The following ITGA3 variants were observed in gnomAD, a reference collection of about 807,000 sequenced individuals.
The protein encoded by ITGA3 is integrin subunit alpha 3, also known as integrin alpha-3.
A neutral mutation model predicts 131.1 loss-of-function variants in ITGA3; 70 were observed. The ratio of observed to expected loss-of-function variants is 0.53; its 90% CI spans 0.44 to 0.65. The LOEUF (loss-of-function observed/expected upper bound fraction) is 0.65. Ranked by LOEUF, ITGA3 falls within the 30% of genes least tolerant of loss-of-function variation. The pLI, the probability that ITGA3 is intolerant of heterozygous loss-of-function variation, is 0.00. For missense variants in ITGA3, 1,098 were observed against 1,388.6 expected, an observed-to-expected ratio of 0.79 and a Z score of 3.33; for synonymous variants, 537 against 571.6, an observed-to-expected ratio of 0.94 and a Z score of 0.86.
In ITGA3 at chr17:50,089,176, G is replaced by C. The variant is rs745776474; in HGVS notation, c.*98G>C. ...CAAGTACCACGCAGTGCGGATCCGG[G>C]AGGAGGAGCGCTACCCACCTCCAGG... On this transcript the variant is annotated 3_prime_UTR_variant, in exon 26 of 26. Transcript: ENST00000320031. The C allele has an allele frequency of 1.2e-6, 2 of 1,613,316 alleles. No homozygotes were observed. The highest frequency in any genetic ancestry group is 1.7e-6 in the Non-Finnish European group (2 of 1,179,520).
chr17:50,060,094 TCCAGGCATCCCAGAGCTGCC>T (rs1337948525), intron 1 of ITGA3, among the ~76,000 whole-genome samples: 1 of 152,088 alleles, frequency 6.6e-6, no homozygotes, highest in African/African-American at 2.4e-5. Flanking sequence ...AGAGCTGGGA[TCCAGGCATCCCAGAGCTGCC>T]CCCACCCCTT....
chr17:50,073,873 C>A, intron 7 of ITGA3, 43 bp from the exon 8 acceptor site: 3 of 1,439,698 alleles, frequency 2.1e-6, no homozygotes, highest in Non-Finnish European at 2.9e-6. Context: ...AGACGTGGGG[C>A]CCAGAGTACC....
intron 6 of ITGA3, 26 bp downstream of exon 6, chr17:50,071,544 G>T: frequency 6.3e-7 from 1 of 1,580,240 alleles, no homozygotes; most frequent in Admixed American, 1.7e-5. Flanking sequence ...CATCCTCTGG[G>T]GCCAGGGAGA....
rs1303879054 is a variant in ITGA3, at chr17:50,056,954, A to C, written c.206+309A>C. ...CCATTCTGTGAACCGAGTACCCAGC[A>C]CTAGCCTGTTCTCTCCAGGGCTGGG... On this transcript the variant is annotated intron_variant, in intron 1 of 25. Coordinates refer to ENST00000320031, the MANE Select transcript of ITGA3 (RefSeq NM_002204.4). This position sits in a 1 kb window ranked among gnomAD's most constrained non-coding sequence, Gnocchi z 5.6. Among the ~76,000 whole-genome samples the C allele has an allele frequency of 1.3e-5, 2 of 152,290 alleles. No individual in the cohort carries two copies. The highest frequency in any genetic ancestry group is 2.1e-4 in the South Asian group (1 of 4,826).
At position 50,064,262 on chromosome 17, in the gene ITGA3, C is replaced by T; in HGVS notation, c.334+58C>T. 1 of 1,555,838 alleles carries T rather than the reference C, an allele frequency of 6.4e-7. No individual in the cohort carries two copies. The highest frequency in any genetic ancestry group is 8.7e-7 in the Non-Finnish European group (1 of 1,151,670). On this transcript the variant is annotated intron_variant, in intron 2 of 25. Coordinates refer to ENST00000320031, the MANE Select transcript of ITGA3 (RefSeq NM_002204.4). The surrounding 1 kb of genome is among the most constrained non-coding windows in gnomAD (Gnocchi z 4.4). ...TCAGAGGTCTGGCAGGGGGGTACCG[C>T]AGAGAGAATGGCCTGGAGGAGATAG...
chr17:50,070,320 G>A (rs1207295335), intron 4 of ITGA3, among the ~76,000 whole-genome samples: 2 of 152,178 alleles, frequency 1.3e-5, no homozygotes, highest in Non-Finnish European at 2.9e-5. Context: ...TCACTTATCT[G>A]CAAAATGGGG....
Position 50,056,524 on chromosome 17 carries a change from G to A in ITGA3, c.85G>A (p.Val29Ile), listed in dbSNP as rs1226485571. The change falls in exon 1 of 26, where the codon GTC becomes ATC. Residue 29 changes from valine (V) to isoleucine (I), a missense_variant. Around this residue, in one of 3 missense-constraint regions of ITGA3, gnomAD observed 356 missense variants for 529.2 expected, o/e 0.67. Coordinates refer to ENST00000320031, the MANE Select transcript of ITGA3 (RefSeq NM_002204.4). The surrounding 1 kb of genome is among the most constrained non-coding windows in gnomAD (Gnocchi z 5.6). ...LALMVAAGGC[V>I]VSAFNLDTRF... ...CTTGATGGTGGCGGCCGGCGGCTGCGTCGTCTCCGCCTTCAACCTGGATAC... is the reference window on the plus strand; with the variant it reads ...CTTGATGGTGGCGGCCGGCGGCTGCATCGTCTCCGCCTTCAACCTGGATAC... The A allele has an allele frequency of 2.8e-5, 44 of 1,552,272 alleles. No homozygotes were observed. The highest frequency in any genetic ancestry group is 3.7e-5 in the Non-Finnish European group (42 of 1,148,512).
At chr17:50,074,365 A>AGC (rs2144288912) in intron 9 of ITGA3, 83 bp from the exon 10 acceptor site, 2 of 1,598,598 alleles carry the variant, frequency 1.3e-6, no homozygotes, top group East Asian at 4.5e-5. Context: ...TGTTTGCGCT[A>AGC]GCTCCTTGGA....
At chr17:50,070,820 C>T in intron 4 of ITGA3, 24 bp from the exon 5 acceptor site, 2 of 1,528,838 alleles carry the variant, frequency 1.3e-6, no homozygotes, top group East Asian at 2.2e-5. Flanking sequence ...ACTCCCTACT[C>T]TCCCTCCCTC....
rs1303987513 is a variant in ITGA3 at position 50,068,283 on chromosome 17, C to G, written c.642C>G (p.Ala214=). 6.2e-7 allele frequency: 1 copy of G among 1,613,514 alleles called. No individual in the cohort carries two copies. The highest frequency in any genetic ancestry group is 8.5e-7 in the Non-Finnish European group (1 of 1,180,006). The part of the protein sequence containing the change: ...GFTQNTVYFG[A]PGAYNWKGNS... Reference sequence around the variant, plus strand: ...CCCAGAACACTGTGTACTTCGGCGCCCCCGGTGCCTACAACTGGAAAGGTG... The same window carrying G: ...CCCAGAACACTGTGTACTTCGGCGCGCCCGGTGCCTACAACTGGAAAGGTG... The change falls in exon 4 of 26, where the codon GCC becomes GCG. Residue 214 remains alanine (A), a synonymous_variant. Transcript: ENST00000320031.
rs551740921 is a variant in ITGA3, at chr17:50,063,852, C to T, written c.207-225C>T. The T allele has an allele frequency of 4.0e-5, 23 of 577,800 alleles. No homozygotes were observed. The African/African-American group carries it at 4.3e-4, about 11-fold the overall frequency. The allele number at this position is 577,800 out of a possible 1,614,324, so 35.8% of individuals were successfully genotyped here. A position where few individuals can be genotyped will look rare whatever the true frequency, so the allele number is the denominator to read the frequency against. On this transcript the variant is annotated intron_variant, in intron 1 of 25. Coordinates refer to ENST00000320031, the MANE Select transcript of ITGA3 (RefSeq NM_002204.4). The stretch of plus-strand genomic sequence containing the variant: ...CTGGCCTCCATCACTGCCCCCTCAG[C>T]CCTGAGCCTGGGCTACTGTGCTCCC...
chr17:50,062,439 C>T (rs1170154073), intron 1 of ITGA3, among the ~76,000 whole-genome samples: 1 of 152,172 alleles, frequency 6.6e-6, no homozygotes, highest in African/African-American at 2.4e-5. Flanking sequence ...GTGGACTCAT[C>T]GAGGCCTTCC....
At chr17:50,069,198 A>G (rs2144275514) in intron 4 of ITGA3, among the ~76,000 whole-genome samples, 1 of 152,270 alleles carries the variant, frequency 6.6e-6, no homozygotes, top group South Asian at 2.1e-4. Flanking sequence ...TATCCATTTT[A>G]CAAAAACAAA....
intron 23 of ITGA3, among the ~76,000 whole-genome samples, chr17:50,083,622 G>A (rs773527853): frequency 4.0e-5 from 6 of 151,420 alleles, no homozygotes; most frequent in Non-Finnish European, 7.4e-5. Context: ...TACTTGGGAG[G>A]CTGAGGCAGG....
chr17:50,079,218 C>T lies in ITGA3; in HGVS notation c.2543C>T (p.Pro848Leu). 1 of 1,614,056 alleles carries T rather than the reference C, an allele frequency of 6.2e-7. No homozygotes were observed. The highest frequency in any genetic ancestry group is 8.5e-7 in the Non-Finnish European group (1 of 1,179,982). ...GGCAATGGGTCCTGGCCCTGCCGAC[C>T]ACCTGGAGACCTTATCAACCCTCTC... is the stretch of plus-strand genomic sequence containing the variant. ...VHGNGSWPCR[P>L]PGDLINPLNL... The change falls in exon 20 of 26, where the codon CCA becomes CTA. Residue 848 changes from proline (P) to leucine (L), a missense_variant. Around this residue, in one of 3 missense-constraint regions of ITGA3, gnomAD observed 699 missense variants for 829.2 expected, o/e 0.84. Transcript: ENST00000320031.
chr17:50,070,700 T>A (rs1908583893), intron 4 of ITGA3, 144 bp from the exon 5 acceptor site: 1 of 561,106 alleles, frequency 1.8e-6, no homozygotes, highest in African/African-American at 2.1e-5. Context: ...GGATGTGTTT[T>A]ATAAATGGCA....
chr17:50,077,153 G>A, intron 15 of ITGA3, 32 bp downstream of exon 15: 1 of 1,514,926 alleles, frequency 6.6e-7, no homozygotes. Context: ...CAGAGCCCAA[G>A]CAGGGCTCCC....
chr17:50,079,943 G>A (rs959020162), intron 21 of ITGA3, among the ~76,000 whole-genome samples: 6 of 152,214 alleles, frequency 3.9e-5, no homozygotes, highest in Non-Finnish European at 7.3e-5. Flanking sequence ...GCCTAGCTGG[G>A]TGGAGAGTGG....
intron 18 of ITGA3, 80 bp downstream of exon 18, chr17:50,078,364 A>G (rs535038212): frequency 2.8e-5 from 32 of 1,151,360 alleles, no homozygotes; most frequent in Non-Finnish European, 3.9e-5. Flanking sequence ...TATCTCCCAA[A>G]CTCCTCTGAC....
Sources: allele counts gnomAD v4.1 joint callset (sites outside exome capture counted in the v4.1 genomes callset), GRCh38; gene constraint gnomAD v4.1.1; regional missense constraint gnomAD v4.1.1; non-coding constraint Gnocchi (gnomAD v3.1); transcripts MANE v1.5; gene names NCBI Gene and HGNC (gene_info 2026-07-23, HGNC 2026-07-21).